MAML2: variants seen among roughly 807,000 people sequenced by gnomAD.
MAML2 encodes mastermind like transcriptional coactivator 2.
In MAML2, 22 loss-of-function variants were observed where a neutral mutation model predicts 96.1. The observed-to-expected ratio is 0.23, with a 90% confidence interval of 0.16 to 0.33. The LOEUF (loss-of-function observed/expected upper bound fraction) is 0.33. MAML2 is among the 10% of genes least tolerant of loss of function. MAML2 has a pLI of 1.00. For missense variants in MAML2, 1,367 were observed against 1,392.4 expected, an observed-to-expected ratio of 0.98 and a Z score of 0.29; for synonymous variants, 561 against 521.3, an observed-to-expected ratio of 1.08 and a Z score of -1.04.
chr11:96,257,987 T>A (rs1862693005), intron 1 of MAML2, among the ~76,000 whole-genome samples: 1 of 152,228 alleles, frequency 6.6e-6, no homozygotes, highest in South Asian at 2.1e-4. Context: ...TGATCCTAAT[T>A]TTATGGCCTG....
intron 1 of MAML2, among the ~76,000 whole-genome samples, chr11:96,200,749 G>C (rs926023604): frequency 2.0e-5 from 3 of 152,150 alleles, no homozygotes; most frequent in African/African-American, 7.2e-5. Context: ...GGGGATACGG[G>C]TGGAGAAATG....
At chr11:96,325,201 A>T (rs1295768615) in intron 1 of MAML2, among the ~76,000 whole-genome samples, 1 of 151,940 alleles carries the variant, frequency 6.6e-6, no homozygotes, top group Admixed American at 6.6e-5. Context: ...TTAGTTATAC[A>T]TTTGGGGTTT....
At chr11:96,202,003 A>G (rs571884980) in intron 1 of MAML2, among the ~76,000 whole-genome samples, 2 of 151,422 alleles carry the variant, frequency 1.3e-5, no homozygotes, top group Admixed American at 1.3e-4. Context: ...TCTATTTTCT[A>G]CCATTGTGGA....
intron 1 of MAML2, among the ~76,000 whole-genome samples, chr11:96,195,093 C>T (rs1387852656): frequency 6.6e-6 from 1 of 152,220 alleles, no homozygotes; most frequent in African/African-American, 2.4e-5. Flanking sequence ...CCAAGTCTTT[C>T]TACTTCACAT....
At chr11:96,264,682 G>T (rs1007183402) in intron 1 of MAML2, among the ~76,000 whole-genome samples, 1 of 152,106 alleles carries the variant, frequency 6.6e-6, no homozygotes, top group African/African-American at 2.4e-5. Context: ...ATAACGGAGG[G>T]TCCACAAATT....
At chr11:96,266,454 C>G (rs569098955) in intron 1 of MAML2, among the ~76,000 whole-genome samples, 144 of 152,026 alleles carry the variant, frequency 9.5e-4, no homozygotes, top group African/African-American at 2.9e-3. Context: ...ACCTGTAGTC[C>G]CAGCTACTCG....
chr11:96,114,000 A>G (rs1291174877), intron 1 of MAML2, among the ~76,000 whole-genome samples: 2 of 143,622 alleles, frequency 1.4e-5, no homozygotes, highest in African/African-American at 2.6e-5. Context: ...CTGACATACC[A>G]TCTCCAGAGT....
At chr11:96,033,721 G>A (rs1055232617) in intron 2 of MAML2, among the ~76,000 whole-genome samples, 16 of 152,168 alleles carry the variant, frequency 1.1e-4, no homozygotes, top group African/African-American at 3.9e-4. Flanking sequence ...TCGCGTCTGG[G>A]AAAACCTAGT....
At chr11:96,243,063 C>A (rs994317789) in intron 1 of MAML2, among the ~76,000 whole-genome samples, 1 of 151,808 alleles carries the variant, frequency 6.6e-6, no homozygotes, top group African/African-American at 2.4e-5. Flanking sequence ...TACACATACA[C>A]ACACACCCCC....
intron 2 of MAML2, among the ~76,000 whole-genome samples, chr11:96,028,197 T>G (rs1858553918): frequency 6.6e-6 from 1 of 152,248 alleles, no homozygotes; most frequent in Non-Finnish European, 1.5e-5. Flanking sequence ...TTGAAAGTTT[T>G]AAAAATAAGA....
intron 1 of MAML2, among the ~76,000 whole-genome samples, chr11:96,287,441 C>A (rs1863155609): frequency 6.6e-6 from 1 of 152,204 alleles, no homozygotes; most frequent in South Asian, 2.1e-4. Context: ...TAAAGCAAAG[C>A]TCAAAGTTTG....
At chr11:96,244,820 G>A (rs1862489359) in intron 1 of MAML2, among the ~76,000 whole-genome samples, 1 of 152,082 alleles carries the variant, frequency 6.6e-6, no homozygotes, top group Non-Finnish European at 1.5e-5. Context: ...CCGTCTGTCT[G>A]TCCATCCATG....
At chr11:96,333,352 C>T (rs930866090) in intron 1 of MAML2, among the ~76,000 whole-genome samples, 1 of 147,574 alleles carries the variant, frequency 6.8e-6, no homozygotes, top group African/African-American at 2.5e-5. Context: ...GGGGAGTAAG[C>T]GAAAAAAAAA....
intron 1 of MAML2, among the ~76,000 whole-genome samples, chr11:96,118,536 C>G (rs529856814): frequency 7.9e-5 from 12 of 151,194 alleles, no homozygotes; most frequent in African/African-American, 2.7e-4. Flanking sequence ...TTATAAATTA[C>G]CCAGTCTCAG....
chr11:96,301,256 A>C (rs1863382863), intron 1 of MAML2, among the ~76,000 whole-genome samples: 1 of 152,224 alleles, frequency 6.6e-6, no homozygotes, highest in East Asian at 1.9e-4. Flanking sequence ...AAAAATTCTG[A>C]ATCTGCATTT....
chr11:96,322,950 G>A (rs970467909), intron 1 of MAML2, among the ~76,000 whole-genome samples: 2 of 152,072 alleles, frequency 1.3e-5, no homozygotes, highest in Non-Finnish European at 2.9e-5. Flanking sequence ...AGGTTCTTTC[G>A]CCCTTGGAAC....
At position 96,313,010 on chromosome 11, in the gene MAML2, C is replaced by T. The variant is rs114428046; in HGVS notation, c.513+28373G>A. 3.5e-3 allele frequency among the ~76,000 whole-genome samples: 539 copies of T among 152,264 alleles called. 5 individuals carry two copies. The highest frequency in any genetic ancestry group is 0.012 in the African/African-American group (509 of 41,536). On this transcript the variant is annotated intron_variant, in intron 1 of 4. Coordinates refer to ENST00000524717, the MANE Select transcript of MAML2 (RefSeq NM_032427.4). The stretch of plus-strand genomic sequence containing the variant: ...CTTTCCCCAAAAAGTGCAGTGTTAG[C>T]GCCAGACAAAATAATAATCTTTAAG...
At chr11:96,013,750 C>A (rs1858300856) in intron 2 of MAML2, among the ~76,000 whole-genome samples, 1 of 152,194 alleles carries the variant, frequency 6.6e-6, no homozygotes, top group Non-Finnish European at 1.5e-5. Flanking sequence ...AGAGCCAGGG[C>A]CACCGAGCAG....
At chr11:95,993,325 T>C (rs1321971994) in intron 2 of MAML2, among the ~76,000 whole-genome samples, 4 of 152,010 alleles carry the variant, frequency 2.6e-5, no homozygotes, top group Non-Finnish European at 5.9e-5. Flanking sequence ...CCTAGCACTT[T>C]GGGAGGCCGA....
Sources: gnomAD v4.1 joint callset for allele counts (sites outside exome capture counted in the v4.1 genomes callset) on GRCh38, gnomAD v4.1.1 for gene constraint, MANE v1.5 for transcripts, NCBI Gene and HGNC (gene_info 2026-07-23, HGNC 2026-07-21) for gene names.